The following TTN variants were observed in gnomAD, a reference collection of about 807,000 sequenced individuals.
The protein encoded by TTN is connectin.
A neutral mutation model predicts 3,223.0 loss-of-function variants in TTN; 1,525 were observed. That is an observed-to-expected ratio of 0.47 (90% CI 0.45 to 0.49). TTN has a LOEUF of 0.49. Ranked by LOEUF, TTN falls within the 20% of genes least tolerant of loss-of-function variation. TTN has a pLI of 0.00. For missense variants in TTN, 40,786 were observed against 43,424.0 expected (o/e 0.94, Z 5.40); for synonymous variants, 14,094 against 15,161.0 (o/e 0.93, Z 5.17).
At position 178,774,268 on chromosome 2, in the gene TTN, G is replaced by A. The variant is rs1156563741; in HGVS notation, c.6996C>T (p.Asp2332=). The change falls in exon 30 of 363, where the codon GAC becomes GAT. Residue 2332 remains aspartate, a synonymous_variant. Coordinates refer to ENST00000589042, the MANE Select transcript of TTN (RefSeq NM_001267550.2). Reference sequence around the variant, plus strand: ...CGATGACAAAGCTGTATTCTCCCTGGTCCTCCTTGGTTACATCCTTGACCG... The same window carrying A: ...CGATGACAAAGCTGTATTCTCCCTGATCCTCCTTGGTTACATCCTTGACCG... ...NLTVKDVTKE[D]QGEYSFVIDG... is the part of the protein sequence containing the mutation. The A allele has an allele frequency of 6.2e-7, 1 of 1,613,866 alleles. No individual in the cohort carries two copies. Among genetic ancestry groups the A allele is most frequent in the East Asian group, 2.2e-5 (1 of 44,882 alleles).
chr2:178,751,062 T>C lies in TTN; in HGVS notation c.11311+2062A>G, dbSNP rs375747859. ...TCCTCAGATTCTATATTTTGATCCA[T>C]TTGATTAGAAAGGGCATGTGGATTT... On this transcript the variant is annotated intron_variant, in intron 47 of 362. Coordinates refer to ENST00000589042, the MANE Select transcript of TTN (RefSeq NM_001267550.2). 7 of 1,612,706 alleles carry C rather than the reference T, an allele frequency of 4.3e-6. No homozygotes were observed. The African/African-American group carries it at 9.4e-5, about 22-fold the overall frequency.
In TTN at chr2:178,583,001, A is replaced by G. The variant is rs980406493; in HGVS notation, c.65802T>C (p.Tyr21934=). 4.4e-6 allele frequency: 7 copies of G among 1,591,974 alleles called. No homozygotes were observed. The Admixed American group carries it at 6.9e-5, about 16-fold the overall frequency. Residue 21934 remains tyrosine (Y), a synonymous_variant, in exon 313 of 363, where the codon TAT becomes TAC. Coordinates refer to ENST00000589042, the MANE Select transcript of TTN (RefSeq NM_001267550.2). ...FSVNRKDSGD[Y]TITAENSSGS... Reference sequence around the variant, plus strand: ...CACTTGAATTTTCAGCAGTAATGGTATAGTCTCCTGAGTCCTTCCGGTTCA... The same window carrying G: ...CACTTGAATTTTCAGCAGTAATGGTGTAGTCTCCTGAGTCCTTCCGGTTCA...
At chr2:178,704,843 T>C (rs750438842) in intron 104 of TTN, 34 bp downstream of exon 104, 1 of 1,610,102 alleles carries the variant, frequency 6.2e-7, no homozygotes, top group East Asian at 2.2e-5. Context: ...CAATAATAAC[T>C]TGTTCATTTT....
At chr2:178,691,515 C>G (rs546879133) in intron 121 of TTN, among the ~76,000 whole-genome samples, 1 of 152,098 alleles carries the variant, frequency 6.6e-6, no homozygotes, top group Non-Finnish European at 1.5e-5. Flanking sequence ...TGTATGTTCC[C>G]CACTATTGAA....
Position 178,620,263 on chromosome 2 carries a change from T to C in TTN, c.46258A>G (p.Asn15420Asp), listed in dbSNP as rs2058069795. 2 of 1,540,526 alleles carry C rather than the reference T, an allele frequency of 1.3e-6. No individual in the cohort carries two copies. Among genetic ancestry groups the C allele is most frequent in the Admixed American group, 4.2e-5 (2 of 48,072 alleles). ...FSCQLSREKA[N>D]VKWYRNGREI... ...CTCCCATTTCTGTACCATTTTACAT[T>C]GGCTTTCTCTCTGGAGAGCTGGCAG... Residue 15420 changes from asparagine (N) to aspartate (D), a missense_variant, in exon 248 of 363, where the codon AAT becomes GAT. Asn to Asp is a conservative substitution (Grantham distance 23). Coordinates refer to ENST00000589042, the MANE Select transcript of TTN (RefSeq NM_001267550.2).
At chr2:178,609,178 C>T in intron 273 of TTN, 30 bp downstream of exon 273, 1 of 1,464,680 alleles carries the variant, frequency 6.8e-7, no homozygotes, top group Non-Finnish European at 9.0e-7. Flanking sequence ...AAACCTTTTT[C>T]CATTGGAAAG....
chr2:178,597,234 T>C (rs1017940199), intron 294 of TTN, among the ~76,000 whole-genome samples: 3 of 152,100 alleles, frequency 2.0e-5, no homozygotes, highest in Non-Finnish European at 2.9e-5. Context: ...TTCATGGCCT[T>C]CTAGCAATTT....
Position 178,724,075 on chromosome 2 carries a change from T to G in TTN, c.21184A>C (p.Ile7062Leu). The G allele has an allele frequency of 6.2e-7, 1 of 1,613,434 alleles. No homozygotes were observed. The highest frequency in any genetic ancestry group is 8.5e-7 in the Non-Finnish European group (1 of 1,179,592). ...GATCCAGCTACTTTGCATTCCAAGATGCAAGAAGCACCTAACACCCCACCA... is the reference window on the plus strand; with the variant it reads ...GATCCAGCTACTTTGCATTCCAAGAGGCAAGAAGCACCTAACACCCCACCA... ...NTGGVLGASC[I>L]LECKVAGSSP... The change falls in exon 73 of 363, where the codon ATC (isoleucine) becomes CTC (leucine). Residue 7062 changes from isoleucine (I) to leucine (L), a missense_variant. Transcript: ENST00000589042.
In TTN at chr2:178,591,654, AAT is replaced by A. The variant is rs1176552879; in HGVS notation, c.60163_60164del (p.Ile20055CysfsTer7). On this transcript the variant is annotated frameshift_variant, in exon 303 of 363. Coordinates refer to ENST00000589042, the MANE Select transcript of TTN (RefSeq NM_001267550.2). LOFTEE classifies it high-confidence loss of function. ...TYRFRVKAEN[I>X]VGLGLPDTTI... Reference sequence around the variant, plus strand: ...TTGTGTCAGGGAGACCAAGACCCACAATGTTTTCAGCTTTTACACGGAATCTA... The same window carrying A: ...TTGTGTCAGGGAGACCAAGACCCACAGTTTTCAGCTTTTACACGGAATCTA... 6.2e-7 allele frequency: 1 copy of A among 1,613,448 alleles called. No individual in the cohort carries two copies. Among genetic ancestry groups the A allele is most frequent in the Non-Finnish European group, 8.5e-7 (1 of 1,179,564 alleles).
chr2:178,754,189 A>G (rs2086334307), intron 46 of TTN, among the ~76,000 whole-genome samples: 1 of 152,094 alleles, frequency 6.6e-6, no homozygotes, highest in African/African-American at 2.4e-5. Context: ...GTATTCAAAA[A>G]GACTTCCAGG....
rs768347250 is a variant in TTN, at chr2:178,559,830, C to T, written c.86302G>A (p.Ala28768Thr). The change falls in exon 326 of 363, where the codon GCT (alanine) becomes ACT (threonine). Residue 28768 changes from alanine (A) to threonine (T), a missense_variant. By Grantham distance (58) the Ala-to-Thr change is moderately conservative. Coordinates refer to ENST00000589042, the MANE Select transcript of TTN (RefSeq NM_001267550.2). ...SEMRKTLIVKAGASFTMTVPF... is the reference protein window; with the variant it reads ...SEMRKTLIVKTGASFTMTVPF... The stretch of plus-strand genomic sequence containing the variant: ...ACAGTCATGGTAAATGAGGCACCAG[C>T]CTTGACAATCAAGGTCTTCCTCATT... 2 of 1,610,684 alleles carry T rather than the reference C, an allele frequency of 1.2e-6. No homozygotes were observed. The highest frequency in any genetic ancestry group is 1.7e-6 in the Non-Finnish European group (2 of 1,179,622).
chr2:178,684,035 G>A lies in TTN; in HGVS notation c.32770C>T (p.Leu10924Phe). Residue 10924 changes from leucine (L) to phenylalanine (F), a missense_variant, in exon 133 of 363, where the codon CTC (leucine) becomes TTC (phenylalanine). Coordinates refer to ENST00000589042, the MANE Select transcript of TTN (RefSeq NM_001267550.2). Reference sequence around the variant, plus strand: ...GGTTCCTCCTCTCTTTTAGGTTTGAGTTTCAGAACTTTTTCTTCTGGGACA... The same window carrying A: ...GGTTCCTCCTCTCTTTTAGGTTTGAATTTCAGAACTTTTTCTTCTGGGACA... ...RAVPEEKVLK[L>F]KPKREEEPPA... The A allele has an allele frequency of 6.2e-7, 1 of 1,605,706 alleles. No individual in the cohort carries two copies. The highest frequency in any genetic ancestry group is 8.5e-7 in the Non-Finnish European group (1 of 1,176,546).
Position 178,526,939 on chromosome 2 carries a change from C to A in TTN, c.*73G>T. ...TTTTTTTCTTTAAATATTTACAGTT[C>A]AGAAAGATTAGTCCGTGTGAAACGT... On this transcript the variant is annotated 3_prime_UTR_variant, in exon 363 of 363. Coordinates refer to ENST00000589042, the MANE Select transcript of TTN (RefSeq NM_001267550.2). The A allele has an allele frequency of 1.5e-6, 2 of 1,348,988 alleles. No homozygotes were observed. The highest frequency in any genetic ancestry group is 2.8e-5 in the Admixed American group (1 of 35,800). 83.6% of individuals were successfully genotyped at this position (1,348,988 alleles called of 1,614,324 possible). A position where few individuals can be genotyped will look rare whatever the true frequency, so the allele number is the denominator to read the frequency against.
At position 178,535,331 on chromosome 2, in the gene TTN, C is replaced by G. The variant is rs1385559568; in HGVS notation, c.101284G>C (p.Val33762Leu). ...LFGKTSYQFR[V>L]IAENKFGLSK... ...AGACCAAATTTATTTTCAGCTATTA[C>G]CCGGAACTGGTAACTTGTTTTTCCA... is the stretch of plus-strand genomic sequence containing the variant. Residue 33762 changes from valine to leucine, a missense_variant, in exon 358 of 363, where the codon GTA becomes CTA. Transcript: ENST00000589042. 1.2e-6 allele frequency: 2 copies of G among 1,613,912 alleles called. No individual in the cohort carries two copies. The highest frequency in any genetic ancestry group is 1.7e-6 in the Non-Finnish European group (2 of 1,179,844).
chr2:178,685,720 G>A, intron 127 of TTN, 122 bp from the exon 128 acceptor site: 1 of 852,198 alleles, frequency 1.2e-6, no homozygotes, highest in Admixed American at 2.8e-5. Context: ...CCAAACCCCT[G>A]CTTGTTCCTA....
chr2:178,715,523 C>T lies in TTN; in HGVS notation c.25891G>A (p.Ala8631Thr), dbSNP rs769720173. The T allele has an allele frequency of 4.3e-6, 7 of 1,612,512 alleles. No homozygotes were observed. The East Asian group carries it at 1.6e-4, about 36-fold the overall frequency. ...ACTTTTAAGGATGTGCTGCTGCTGG[C>T]ACTGCCTGCTGCATTGTGGGCCTCA... The part of the protein sequence containing the change: ...TCEAHNAAGS[A>T]SSSTSLKVKE... Residue 8631 changes from alanine to threonine, a missense_variant, in exon 89 of 363, where the codon GCC becomes ACC. Physicochemically the swap from Ala to Thr is moderately conservative, Grantham distance 58. Transcript: ENST00000589042.
Position 178,670,218 on chromosome 2 carries a change from C to T in TTN, c.35386G>A (p.Ala11796Thr), listed in dbSNP as rs1432876615. The change falls in exon 157 of 363, where the codon GCA becomes ACA. Residue 11796 changes from alanine (A) to threonine (T), a missense_variant and splice_region_variant. Coordinates refer to ENST00000589042, the MANE Select transcript of TTN (RefSeq NM_001267550.2). ...ATGATGAATGAGAAAAGCCAGTTAC[C>T]TTTAGTTGGTGGAACTCTGGGCTCT... ...PEEPRVPPTK[A>T]PEVPKKIVPE... 1.4e-6 allele frequency: 2 copies of T among 1,461,658 alleles called. No homozygotes were observed. Among genetic ancestry groups the T allele is most frequent in the Middle Eastern group, 1.8e-4 (1 of 5,524 alleles). 90.5% of individuals were successfully genotyped at this position (1,461,658 alleles called of 1,614,324 possible).
At chr2:178,693,851 GACA>G (rs2154281323) in intron 118 of TTN, 68 bp downstream of exon 118, 7 of 1,376,548 alleles carry the variant, frequency 5.1e-6, no homozygotes, top group East Asian at 2.3e-5. Context: ...TCACAAATTA[GACA>G]ACAAGAGGGA....
chr2:178,539,860 T>G lies in TTN; in HGVS notation c.98205A>C (p.Ile32735=), dbSNP rs745468223. 4.6e-5 allele frequency: 74 copies of G among 1,613,814 alleles called. No homozygotes were observed. In the Middle Eastern group the frequency reaches 8.2e-4, roughly 18 times the overall value. Reference sequence around the variant, plus strand: ...CCTGGCCTTCCTTGGTCCATTTACATATTGGGAATGGTTTTCCTTTGATTG... The same window carrying G: ...CCTGGCCTTCCTTGGTCCATTTACAGATTGGGAATGGTTTTCCTTTGATTG... ...TIPIKGKPFP[I]CKWTKEGQDI... Residue 32735 remains isoleucine, a synonymous_variant, in exon 352 of 363, where the codon ATA becomes ATC. Transcript: ENST00000589042.
Sources: gnomAD v4.1 joint callset for allele counts (sites outside exome capture counted in the v4.1 genomes callset) on GRCh38, gnomAD v4.1.1 for gene constraint, MANE v1.5 for transcripts, NCBI Gene and HGNC (gene_info 2026-07-23, HGNC 2026-07-21) for gene names.